XYLT1: variants seen among roughly 807,000 people sequenced by gnomAD.
XYLT1 encodes the protein xylosyltransferase 1, also known as beta-D-xylosyltransferase 1.
Under a neutral mutation model 91.3 loss-of-function variants are expected in XYLT1, and 36 were observed. The observed-to-expected ratio is 0.39, with a 90% CI of 0.30 to 0.52. XYLT1 has a LOEUF of 0.52. Ranked by LOEUF, XYLT1 falls within the 20% of genes least tolerant of loss-of-function variation. XYLT1 has a pLI of 0.68. For missense variants in XYLT1, 1,242 were observed against 1,284.5 expected, an observed-to-expected ratio of 0.97 and a Z score of 0.51; for synonymous variants, 588 against 532.0, an observed-to-expected ratio of 1.11 and a Z score of -1.45.
chr16:17,217,419 C>G (rs770529567), intron 3 of XYLT1, among the ~76,000 whole-genome samples: 1 of 152,156 alleles, frequency 6.6e-6, no homozygotes, highest in Non-Finnish European at 1.5e-5. Context: ...TGTTAACAAA[C>G]GTTCAGTGAA....
At position 17,361,984 on chromosome 16, in the gene XYLT1, A is replaced by G. The variant is rs80156691; in HGVS notation, c.364-3934T>C. Among the ~76,000 whole-genome samples the G allele has an allele frequency of 8.8e-3, 1,347 of 152,290 alleles. 10 individuals carry two copies. Among genetic ancestry groups the G allele is most frequent in the Non-Finnish European group, 0.013 (857 of 68,028 alleles). ...AGAGGTAGATACTATCATTATCACTATCATTAGTATAGAGATGGAGAAACT... is the reference window on the plus strand; with the variant it reads ...AGAGGTAGATACTATCATTATCACTGTCATTAGTATAGAGATGGAGAAACT... On this transcript the variant is annotated intron_variant, in intron 1 of 11. Coordinates refer to ENST00000261381, the MANE Select transcript of XYLT1 (RefSeq NM_022166.4).
intron 1 of XYLT1, among the ~76,000 whole-genome samples, chr16:17,366,061 CTTT>C (rs11398471): frequency 4.7e-5 from 6 of 128,604 alleles, no homozygotes; most frequent in Admixed American, 1.6e-4. Flanking sequence ...AGCTGGTTTG[CTTT>C]TTTTTTTTTT....
Position 17,117,942 on chromosome 16 carries a change from C to A in XYLT1, c.2261G>T (p.Arg754Leu). The change falls in exon 11 of 12, where the codon CGC becomes CTC. Residue 754 changes from arginine to leucine, a missense_variant. Transcript: ENST00000261381. ...GGGCCCCAGAAGACCCCCAAAGTTG[C>A]GGAATAGCCTCTCCTTGGCATCCCA... ...TDWDAKERLF[R>L]NFGGLLGPMD... 6.2e-7 allele frequency: 1 copy of A among 1,613,250 alleles called. No homozygotes were observed. Among genetic ancestry groups the A allele is most frequent in the South Asian group, 1.1e-5 (1 of 91,066 alleles).
intron 1 of XYLT1, among the ~76,000 whole-genome samples, chr16:17,453,638 A>G (rs1482884300): frequency 6.6e-6 from 1 of 152,220 alleles, no homozygotes; most frequent in Non-Finnish European, 1.5e-5. Flanking sequence ...CCCCAAAGGG[A>G]TATTTCAGCA....
intron 1 of XYLT1, among the ~76,000 whole-genome samples, chr16:17,390,607 G>A (rs948126189): frequency 2.6e-5 from 4 of 152,144 alleles, no homozygotes; most frequent in East Asian, 1.9e-4. Flanking sequence ...CCTCCAAACC[G>A]CTCATGATCA....
At chr16:17,216,844 A>G (rs539791936) in intron 3 of XYLT1, among the ~76,000 whole-genome samples, 5 of 152,340 alleles carry the variant, frequency 3.3e-5, no homozygotes, top group African/African-American at 1.2e-4. Context: ...TATAAGGACT[A>G]CATCTCTAAG....
chr16:17,375,834 C>T (rs1298283574), intron 1 of XYLT1, among the ~76,000 whole-genome samples: 1 of 152,248 alleles, frequency 6.6e-6, no homozygotes, highest in Non-Finnish European at 1.5e-5. Flanking sequence ...CTTTCACTAC[C>T]ATGCCCTGGG....
chr16:17,134,584 T>A lies in XYLT1; in HGVS notation c.1916A>T (p.Asp639Val), dbSNP rs1203790251. Residue 639 changes from aspartate to valine, a missense_variant, in exon 9 of 12, where the codon GAC becomes GTC. Asp to Val is a radical substitution (Grantham distance 152). Transcript: ENST00000261381. ...CACGTCGCTCAGGCTGTGGATGCCGTCAGGCTCATCGTAGACATTCTCCCA... is the reference window on the plus strand; with the variant it reads ...CACGTCGCTCAGGCTGTGGATGCCGACAGGCTCATCGTAGACATTCTCCCA... The part of the protein sequence containing the change: ...SYWENVYDEP[D>V]GIHSLSDVTL... 1 of 1,614,082 alleles carries A rather than the reference T, an allele frequency of 6.2e-7. No homozygotes were observed. The highest frequency in any genetic ancestry group is 1.7e-5 in the Admixed American group (1 of 60,006).
At chr16:17,455,451 A>G (rs1323777242) in intron 1 of XYLT1, among the ~76,000 whole-genome samples, 1 of 152,208 alleles carries the variant, frequency 6.6e-6, no homozygotes, top group Non-Finnish European at 1.5e-5. Context: ...AGAGTACTTA[A>G]GAATATTTAA....
intron 5 of XYLT1, among the ~76,000 whole-genome samples, chr16:17,197,837 C>T (rs867986217): frequency 2.6e-5 from 4 of 152,136 alleles, no homozygotes; most frequent in African/African-American, 4.8e-5. Context: ...GACGGCCTAT[C>T]GTGAGACCTC....
intron 1 of XYLT1, among the ~76,000 whole-genome samples, chr16:17,452,892 T>A (rs1327204512): frequency 3.3e-5 from 5 of 152,106 alleles, no homozygotes; most frequent in African/African-American, 1.2e-4. Flanking sequence ...CACACACCTT[T>A]GTAAAGAGTT....
chr16:17,159,003 T>A, intron 5 of XYLT1, 94 bp from the exon 6 acceptor site: 1 of 1,074,024 alleles, frequency 9.3e-7, no homozygotes, highest in Non-Finnish European at 1.4e-6. Context: ...TCAGTCTGCT[T>A]GAAGCACCTT....
chr16:17,357,506 C>G lies in XYLT1; in HGVS notation c.402+506G>C, dbSNP rs571559745. ...TCCCTTACAAGACCCGCTGGTCATC[C>G]TCCTCCCCACACGGAAATGCCACTG... is the stretch of plus-strand genomic sequence containing the variant. On this transcript the variant is annotated intron_variant, in intron 2 of 11. Transcript: ENST00000261381. 1.1e-4 allele frequency among the ~76,000 whole-genome samples: 17 copies of G among 152,290 alleles called. No homozygotes were observed. The South Asian group carries it at 3.5e-3, about 32-fold the overall frequency.
chr16:17,159,390 C>T (rs1429086842), intron 5 of XYLT1, among the ~76,000 whole-genome samples: 3 of 152,142 alleles, frequency 2.0e-5, no homozygotes, highest in Non-Finnish European at 4.4e-5. Flanking sequence ...TAGTACCTGC[C>T]TCCCGCTCTC....
At chr16:17,225,871 C>A (rs1411701184) in intron 3 of XYLT1, among the ~76,000 whole-genome samples, 1 of 151,992 alleles carries the variant, frequency 6.6e-6, no homozygotes, top group African/African-American at 2.4e-5. Context: ...TGCTTTTAAC[C>A]CTCTGTTGAC....
intron 10 of XYLT1, among the ~76,000 whole-genome samples, chr16:17,124,872 G>C (rs528731702): frequency 2.0e-5 from 3 of 152,080 alleles, no homozygotes; most frequent in Admixed American, 6.6e-5. Flanking sequence ...TCTTTTACTC[G>C]TTTGATTCGA....
At chr16:17,287,159 T>C (rs551014555) in intron 2 of XYLT1, among the ~76,000 whole-genome samples, 8 of 152,116 alleles carry the variant, frequency 5.3e-5, no homozygotes, top group African/African-American at 1.2e-4. Context: ...CAGCTAAAAA[T>C]AGGCAGAACT....
chr16:17,454,344 CTG>C (rs1029382344), intron 1 of XYLT1, among the ~76,000 whole-genome samples: 6 of 152,174 alleles, frequency 3.9e-5, no homozygotes, highest in Admixed American at 3.3e-4. Flanking sequence ...AATTACAACT[CTG>C]TGAACCAATA....
chr16:17,267,287 C>T (rs2033820990), intron 2 of XYLT1, among the ~76,000 whole-genome samples: 1 of 152,212 alleles, frequency 6.6e-6, no homozygotes, highest in Admixed American at 6.5e-5. Flanking sequence ...ATATGTCATG[C>T]ACATATAATT....
Sources: allele counts gnomAD v4.1 joint callset (sites outside exome capture counted in the v4.1 genomes callset), GRCh38; gene constraint gnomAD v4.1.1; transcripts MANE v1.5; gene names NCBI Gene and HGNC (gene_info 2026-07-23, HGNC 2026-07-21).